The following CLEC16A variants were observed in gnomAD, a reference collection of about 807,000 sequenced individuals.
CLEC16A encodes protein CLEC16A.
A neutral mutation model predicts 109.5 loss-of-function variants in CLEC16A; 51 were observed. That is an observed-to-expected ratio of 0.47 (90% confidence interval 0.37 to 0.59). The LOEUF (loss-of-function observed/expected upper bound fraction) is 0.59, where lower values mean the gene tolerates loss of function less well. Among genes scored for constraint, CLEC16A ranks in the 20% least tolerant of loss-of-function variants. The probability of loss-of-function intolerance (pLI) is 0.00; values close to 1 mark genes in which losing one functional copy is unlikely to be tolerated. For synonymous variants in CLEC16A, 673 were observed against 564.2 expected (o/e 1.19, Z -2.73); for missense variants, 1,339 against 1,394.0 (o/e 0.96, Z 0.63).
chr16:11,114,671 G>T (rs1395348914), intron 19 of CLEC16A, among the ~76,000 whole-genome samples: 1 of 152,160 alleles, frequency 6.6e-6, no homozygotes, highest in African/African-American at 2.4e-5. Flanking sequence ...GCAGTCCCAA[G>T]GTGACTAGCC....
intron 10 of CLEC16A, among the ~76,000 whole-genome samples, chr16:10,996,618 G>A (rs1055309063): frequency 6.6e-6 from 1 of 152,118 alleles, no homozygotes; most frequent in Non-Finnish European, 1.5e-5. Context: ...CAGCCCTGGC[G>A]CATTTTCCCT....
At chr16:11,042,432 C>A (rs1012390528) in intron 15 of CLEC16A, 69 bp downstream of exon 15, 7 of 1,278,276 alleles carry the variant, frequency 5.5e-6, no homozygotes, top group Non-Finnish European at 7.7e-6. Flanking sequence ...AGGGAAGCTG[C>A]TGGCATCCAG....
At chr16:11,008,070 G>A (rs904694982) in intron 11 of CLEC16A, among the ~76,000 whole-genome samples, 14 of 152,120 alleles carry the variant, frequency 9.2e-5, no homozygotes, top group African/African-American at 2.4e-4. Context: ...AGCACTTAGC[G>A]CACACACTCT....
chr16:11,161,184 A>G (rs958515129), intron 22 of CLEC16A, among the ~76,000 whole-genome samples: 4 of 152,210 alleles, frequency 2.6e-5, no homozygotes, highest in Non-Finnish European at 5.9e-5. Flanking sequence ...AATGATAATC[A>G]TCACACTAAA....
intron 19 of CLEC16A, among the ~76,000 whole-genome samples, chr16:11,080,466 G>T (rs1263749629): frequency 2.0e-5 from 3 of 152,360 alleles, no homozygotes; most frequent in Non-Finnish European, 4.4e-5. Flanking sequence ...GGCATCTGCA[G>T]TGAAGACACA....
At chr16:11,125,926 A>ACC in intron 21 of CLEC16A, 53 bp from the exon 22 acceptor site, 3 of 244,488 alleles carry the variant, frequency 1.2e-5, no homozygotes, top group East Asian at 1.0e-4. Flanking sequence ...AATTCTCACC[A>ACC]CCCCCCTCTA....
At chr16:11,089,753 G>A (rs2050201671) in intron 19 of CLEC16A, among the ~76,000 whole-genome samples, 1 of 152,216 alleles carries the variant, frequency 6.6e-6, no homozygotes, top group African/African-American at 2.4e-5. Flanking sequence ...TCAGGAAATG[G>A]CATCTGTAAG....
At position 10,944,641 on chromosome 16, in the gene CLEC16A, C is replaced by A; in HGVS notation, c.-77C>A. ...TCCGCCGCCGCATCCTCCGCTTGTG[C>A]TACCGCCGCGGGCGCTGGGCCGCTC... On this transcript the variant is annotated 5_prime_UTR_variant, in exon 1 of 24. Transcript: ENST00000409790. 1.4e-6 allele frequency: 2 copies of A among 1,398,754 alleles called. No individual in the cohort carries two copies. Among genetic ancestry groups the A allele is most frequent in the Non-Finnish European group, 2.0e-6 (2 of 1,017,510 alleles). 86.6% of individuals were successfully genotyped at this position (1,398,754 alleles called of 1,614,324 possible). A position where few individuals can be genotyped will look rare whatever the true frequency, so the allele number is the denominator to read the frequency against.
intron 22 of CLEC16A, among the ~76,000 whole-genome samples, chr16:11,164,560 C>T (rs1567410491): frequency 6.6e-6 from 1 of 152,206 alleles, no homozygotes; most frequent in Non-Finnish European, 1.5e-5. Context: ...CCAGGCTTCC[C>T]TGGTGCCATA....
At chr16:10,997,563 T>G (rs1243481719) in intron 10 of CLEC16A, among the ~76,000 whole-genome samples, 1 of 152,228 alleles carries the variant, frequency 6.6e-6, no homozygotes, top group East Asian at 1.9e-4. Flanking sequence ...TTCAGTTCAG[T>G]GGCATTAATG....
intron 22 of CLEC16A, among the ~76,000 whole-genome samples, chr16:11,138,201 A>T (rs527412750): frequency 5.9e-5 from 9 of 152,372 alleles, no homozygotes; most frequent in African/African-American, 2.2e-4. Flanking sequence ...TGATGAATCA[A>T]ATAAACACTG....
At chr16:10,977,146 TA>T in intron 7 of CLEC16A, 78 bp from the exon 8 acceptor site, 1 of 1,339,418 alleles carries the variant, frequency 7.5e-7, no homozygotes, top group Non-Finnish European at 1.0e-6. Context: ...CACAGTGACC[TA>T]AGTCTCAGGC....
intron 6 of CLEC16A, 61 bp from the exon 7 acceptor site, chr16:10,972,877 T>C (rs1245183914): frequency 1.3e-6 from 2 of 1,507,376 alleles, no homozygotes; most frequent in East Asian, 2.3e-5. Flanking sequence ...GTTTTTTTTT[T>C]AATCTTCCCC....
chr16:10,977,150 T>G, intron 7 of CLEC16A, 75 bp from the exon 8 acceptor site: 1 of 1,365,116 alleles, frequency 7.3e-7, no homozygotes, highest in Non-Finnish European at 1.0e-6. Flanking sequence ...GTGACCTAAG[T>G]CTCAGGCCAT....
At chr16:11,095,851 G>A (rs1324728253) in intron 19 of CLEC16A, among the ~76,000 whole-genome samples, 2 of 149,330 alleles carry the variant, frequency 1.3e-5, no homozygotes, top group Non-Finnish European at 1.5e-5. Context: ...AGCTAGAAGC[G>A]TAGCTGTAGC....
chr16:11,139,227 G>C (rs2053710358), intron 22 of CLEC16A, among the ~76,000 whole-genome samples: 1 of 152,138 alleles, frequency 6.6e-6, no homozygotes, highest in African/African-American at 2.4e-5. Flanking sequence ...CCCACTCATA[G>C]CTTGGCTTGT....
intron 10 of CLEC16A, among the ~76,000 whole-genome samples, chr16:10,999,481 C>T (rs1249377806): frequency 1.3e-5 from 2 of 152,164 alleles, no homozygotes; most frequent in African/African-American, 4.8e-5. Flanking sequence ...CATTTTCATC[C>T]TGGTGCTGAG....
chr16:10,982,792 C>T, intron 9 of CLEC16A, 86 bp from the exon 10 acceptor site: 2 of 749,894 alleles, frequency 2.7e-6, no homozygotes, highest in Non-Finnish European at 4.7e-6. Flanking sequence ...TTAGGTAGCC[C>T]AGCCTGGTCG....
intron 3 of CLEC16A, among the ~76,000 whole-genome samples, chr16:10,966,761 T>G (rs1250595960): frequency 2.0e-5 from 3 of 152,122 alleles, no homozygotes; most frequent in Non-Finnish European, 4.4e-5. Flanking sequence ...GAGAACTCAC[T>G]ATCACGAGAA....
Sources: allele counts gnomAD v4.1 joint callset (sites outside exome capture counted in the v4.1 genomes callset), GRCh38; gene constraint gnomAD v4.1.1; transcripts MANE v1.5; gene names NCBI Gene and HGNC (gene_info 2026-07-23, HGNC 2026-07-21).